ZNF189: variants seen among roughly 807,000 people sequenced by gnomAD.
ZNF189 encodes the protein zinc finger protein 189.
ZNF189 carries 33 observed loss-of-function variants against 53.5 expected under a neutral mutation model. The ratio of observed to expected loss-of-function variants is 0.62; its 90% confidence interval spans 0.47 to 0.82. The LOEUF (loss-of-function observed/expected upper bound fraction) is 0.82, where lower values mean the gene tolerates loss of function less well. ZNF189 is among the 40% of genes least tolerant of loss of function. ZNF189 has a pLI of 0.00. For synonymous variants in ZNF189, 247 were observed against 238.8 expected, an observed-to-expected ratio of 1.03 and a Z score of -0.32; for missense variants, 711 against 753.9, an observed-to-expected ratio of 0.94 and a Z score of 0.67.
rs146237234 is a variant in ZNF189, at chr9:101,407,239, G to A, written c.161-690G>A. Among the ~76,000 whole-genome samples the A allele has an allele frequency of 8.6e-4, 130 of 152,014 alleles. 1 individual carries two copies. The highest frequency in any genetic ancestry group is 3.1e-3 in the African/African-American group (128 of 41,490). ...ACTTAACATCCATTCCATTTGGCAG[G>A]GGGGCTTCATGTCTTATCTCTGAAT... On this transcript the variant is annotated intron_variant, in intron 2 of 2. Coordinates refer to ENST00000339664, the MANE Select transcript of ZNF189 (RefSeq NM_003452.4).
At position 101,409,466 on chromosome 9, in the gene ZNF189, A is replaced by C. The variant is rs567661929; in HGVS notation, c.1698A>C (p.Lys566Asn). The change falls in exon 3 of 3, where the codon AAA becomes AAC. Residue 566 changes from lysine (K) to asparagine (N), a missense_variant. Transcript: ENST00000339664. ...IQHQRIHTGE[K>N]PYKCEKCDKS... ...ATCAGAGAATACACACAGGAGAGAA[A>C]CCTTATAAGTGTGAGAAGTGCGACA... 1 of 1,614,138 alleles carries C rather than the reference A, an allele frequency of 6.2e-7. No homozygotes were observed. Among genetic ancestry groups the C allele is most frequent in the South Asian group, 1.1e-5 (1 of 91,076 alleles).
intron 1 of ZNF189, 108 bp downstream of exon 1, chr9:101,399,297 T>C: frequency 6.9e-7 from 1 of 1,439,148 alleles, no homozygotes; most frequent in Non-Finnish European, 9.2e-7. Context: ...ACCGCCTCTT[T>C]AGGGCCAGCG....
In ZNF189 at chr9:101,399,881, C is replaced by T; in HGVS notation, c.34-3C>T. ...ACTGACTACAGAAATCATACTATTTCAGGGGTTGCTGACATTTGAGGATGT... is the reference window on the plus strand; with the variant it reads ...ACTGACTACAGAAATCATACTATTTTAGGGGTTGCTGACATTTGAGGATGT... On this transcript the variant is annotated splice_polypyrimidine_tract_variant and splice_region_variant and intron_variant, in intron 1 of 2. Coordinates refer to ENST00000339664, the MANE Select transcript of ZNF189 (RefSeq NM_003452.4). 6.2e-7 allele frequency: 1 copy of T among 1,614,082 alleles called. No individual in the cohort carries two copies. Among genetic ancestry groups the T allele is most frequent in the Non-Finnish European group, 8.5e-7 (1 of 1,179,994 alleles).
Position 101,408,365 on chromosome 9 carries a change from T to G in ZNF189, c.597T>G (p.Thr199=). Residue 199 remains threonine (T), a synonymous_variant, in exon 3 of 3, where the codon ACT becomes ACG. Transcript: ENST00000339664. ...SFVIEHQRIH[T]GERPYECNYC... ...TTATTGAACATCAGAGAATTCACAC[T>G]GGGGAAAGGCCCTATGAGTGTAATT... The G allele has an allele frequency of 6.2e-7, 1 of 1,614,132 alleles. No homozygotes were observed. The highest frequency in any genetic ancestry group is 1.3e-5 in the African/African-American group (1 of 75,032).
At chr9:101,406,007 G>A (rs1429700533) in intron 2 of ZNF189, among the ~76,000 whole-genome samples, 1 of 150,440 alleles carries the variant, frequency 6.6e-6, no homozygotes, top group Admixed American at 6.6e-5. Flanking sequence ...GGAGGTTGTA[G>A]TGAGCCAAGA....
chr9:101,399,428 A>G, intron 1 of ZNF189: 1 of 1,360,532 alleles, frequency 7.4e-7, no homozygotes. Flanking sequence ...GAAAATAAGT[A>G]ATGCTCCAGA....
chr9:101,407,857 G>A, intron 2 of ZNF189, 72 bp from the exon 3 acceptor site: 1 of 1,387,242 alleles, frequency 7.2e-7, no homozygotes, highest in Admixed American at 3.0e-5. Flanking sequence ...TTCTTTGTTT[G>A]CCCATCTTAC....
intron 2 of ZNF189, among the ~76,000 whole-genome samples, chr9:101,407,171 C>T (rs1830746224): frequency 6.6e-6 from 1 of 152,120 alleles, no homozygotes. Context: ...CTGCTTTTTA[C>T]TTAATATTTT....
intron 2 of ZNF189, chr9:101,407,640 C>T (rs1830762789): frequency 4.7e-6 from 2 of 427,160 alleles, no homozygotes; most frequent in East Asian, 7.0e-5. Flanking sequence ...AGTGATCCTC[C>T]CACCTCACTC....
chr9:101,405,872 C>T lies in ZNF189; in HGVS notation c.161-2057C>T, dbSNP rs969052370. On this transcript the variant is annotated intron_variant, in intron 2 of 2. Transcript: ENST00000339664. ...GGGTGGATCACCTGAGGTCAGAGTT[C>T]GAGACCAACATGGTGCCCCATCTCT... is the stretch of plus-strand genomic sequence containing the variant. Among the ~76,000 whole-genome samples the T allele has an allele frequency of 4.6e-5, 7 of 152,012 alleles. No individual in the cohort carries two copies. In the East Asian group the frequency reaches 5.8e-4, roughly 13 times the overall value.
rs1564066034 is a variant in ZNF189 at position 101,399,871 on chromosome 9, C to T, written c.34-13C>T. On this transcript the variant is annotated splice_polypyrimidine_tract_variant and intron_variant, in intron 1 of 2. Transcript: ENST00000339664. ...GACAACAGGAACTGACTACAGAAAT[C>T]ATACTATTTCAGGGGTTGCTGACAT... 2 of 1,613,940 alleles carry T rather than the reference C, an allele frequency of 1.2e-6. No homozygotes were observed. Among genetic ancestry groups the T allele is most frequent in the Non-Finnish European group, 1.7e-6 (2 of 1,179,954 alleles).
chr9:101,400,800 C>T (rs1830504417), intron 2 of ZNF189, among the ~76,000 whole-genome samples: 2 of 152,226 alleles, frequency 1.3e-5, no homozygotes, highest in South Asian at 2.1e-4. Context: ...ACCCTATTCT[C>T]TGACCAGTTA....
rs1456591402 is a variant in ZNF189, at chr9:101,410,364, G to A, written c.*715G>A. ...GTGGAGGAAGATATTGTTCTTTTGTGCCCTCCTACCTGTGAGAGATATTTG... is the reference window on the plus strand; with the variant it reads ...GTGGAGGAAGATATTGTTCTTTTGTACCCTCCTACCTGTGAGAGATATTTG... On this transcript the variant is annotated 3_prime_UTR_variant, in exon 3 of 3. Coordinates refer to ENST00000339664, the MANE Select transcript of ZNF189 (RefSeq NM_003452.4). 6.6e-6 allele frequency: 1 copy of A among 152,538 alleles called. No individual in the cohort carries two copies. The highest frequency in any genetic ancestry group is 1.5e-5 in the Non-Finnish European group (1 of 68,018). 9.4% of individuals were successfully genotyped at this position (152,538 alleles called of 1,614,324 possible). A position where few individuals can be genotyped will look rare whatever the true frequency, so the allele number is the denominator to read the frequency against.
At chr9:101,399,343 C>T in intron 1 of ZNF189, 154 bp downstream of exon 1, 1 of 1,386,046 alleles carries the variant, frequency 7.2e-7, no homozygotes. Context: ...CATTGGGGTG[C>T]GGTTCGCGAA....
intron 2 of ZNF189, among the ~76,000 whole-genome samples, chr9:101,406,817 G>GTAC (rs1381045902): frequency 1.3e-5 from 2 of 152,158 alleles, no homozygotes; most frequent in Non-Finnish European, 2.9e-5. Context: ...GGGCCTAGAT[G>GTAC]TACTATATGA....
chr9:101,399,069 C>T lies in ZNF189; in HGVS notation c.-88C>T. 1.1e-6 allele frequency: 1 copy of T among 937,288 alleles called. No homozygotes were observed. The highest frequency in any genetic ancestry group is 1.7e-6 in the Non-Finnish European group (1 of 574,886). 58.1% of individuals were successfully genotyped at this position (937,288 alleles called of 1,614,324 possible). On this transcript the variant is annotated 5_prime_UTR_variant, in exon 1 of 3. Transcript: ENST00000339664. ...GCCAGGGATCCTCGTATTCGTCGAG[C>T]CTAATTTCCAGCAGCCGGGTAGGCC...
chr9:101,409,848 A>G lies in ZNF189; in HGVS notation c.*199A>G. 1 of 575,450 alleles carries G rather than the reference A, an allele frequency of 1.7e-6. No homozygotes were observed. The highest frequency in any genetic ancestry group is 2.9e-6 in the Non-Finnish European group (1 of 340,780). 35.6% of individuals were successfully genotyped at this position (575,450 alleles called of 1,614,324 possible). On this transcript the variant is annotated 3_prime_UTR_variant, in exon 3 of 3. Transcript: ENST00000339664. ...CTTACTCTTTGATGATCGTAGAGAA[A>G]GACTTGGTAATTTATCTAAGTATCT...
chr9:101,403,398 G>T (rs894258208), intron 2 of ZNF189, among the ~76,000 whole-genome samples: 7 of 152,002 alleles, frequency 4.6e-5, no homozygotes, highest in Admixed American at 3.3e-4. Context: ...CATCCCTTTG[G>T]TGAGAGCTCC....
chr9:101,407,584 A>G (rs943126563), intron 2 of ZNF189: 3 of 404,726 alleles, frequency 7.4e-6, no homozygotes, highest in African/African-American at 2.1e-5. Context: ...TTTTGTAGAG[A>G]TGAAGTCTCA....
Sources: allele counts gnomAD v4.1 joint callset (sites outside exome capture counted in the v4.1 genomes callset), GRCh38; gene constraint gnomAD v4.1.1; transcripts MANE v1.5; gene names NCBI Gene and HGNC (gene_info 2026-07-23, HGNC 2026-07-21).